UBR3: variants seen among roughly 807,000 people sequenced by gnomAD.
UBR3 encodes E3 ubiquitin-protein ligase UBR3.
In UBR3, 85 loss-of-function variants were observed where a neutral mutation model predicts 243.2. The observed-to-expected ratio is 0.35, with a 90% CI of 0.29 to 0.42. The LOEUF is 0.42. Among genes scored for constraint, UBR3 ranks in the 10% least tolerant of loss-of-function variants. The pLI is 1.00. For missense variants in UBR3, 1,686 were observed against 2,300.8 expected, an observed-to-expected ratio of 0.73 and a Z score of 5.47; for synonymous variants, 748 against 799.8, an observed-to-expected ratio of 0.94 and a Z score of 1.09.
At chr2:169,999,845 C>T (rs968118016) in intron 26 of UBR3, among the ~76,000 whole-genome samples, 4 of 152,090 alleles carry the variant, frequency 2.6e-5, no homozygotes, top group African/African-American at 9.7e-5. Context: ...AATTTGGAGC[C>T]AGGCACGGTG....
intron 10 of UBR3, among the ~76,000 whole-genome samples, chr2:169,906,704 C>CA (rs1479694860): frequency 6.6e-6 from 1 of 152,064 alleles, no homozygotes; most frequent in Non-Finnish European, 1.5e-5. Flanking sequence ...TATTCTATAC[C>CA]AGTAATCATG....
intron 35 of UBR3, among the ~76,000 whole-genome samples, chr2:170,066,583 T>G (rs1574473803): frequency 3.3e-5 from 5 of 152,320 alleles, no homozygotes; most frequent in South Asian, 2.1e-4. Flanking sequence ...CAAAATAATT[T>G]TCCCATGAAA....
At chr2:170,032,012 C>T (rs190134540) in intron 31 of UBR3, among the ~76,000 whole-genome samples, 2 of 152,018 alleles carry the variant, frequency 1.3e-5, no homozygotes, top group Admixed American at 6.6e-5. Context: ...TTTGGTAGAA[C>T]GATTTATTTT....
chr2:169,905,381 T>C, intron 9 of UBR3, 88 bp downstream of exon 9: 1 of 957,434 alleles, frequency 1.0e-6, no homozygotes, highest in Non-Finnish European at 1.4e-6. Context: ...CAATAGCACA[T>C]CATTCACGCT....
intron 31 of UBR3, among the ~76,000 whole-genome samples, chr2:170,033,180 C>T (rs1209436307): frequency 6.6e-6 from 1 of 152,000 alleles, no homozygotes; most frequent in Non-Finnish European, 1.5e-5. Context: ...AAAGTACAGA[C>T]ATAGATATTA....
At chr2:170,011,628 T>C (rs561598014) in intron 29 of UBR3, among the ~76,000 whole-genome samples, 1 of 59,570 alleles carries the variant, frequency 1.7e-5, no homozygotes, top group South Asian at 6.9e-4. Flanking sequence ...CAGCTTTTCT[T>C]TTTTTTTTTT....
intron 10 of UBR3, among the ~76,000 whole-genome samples, chr2:169,910,722 C>T (rs1274318990): frequency 6.6e-6 from 1 of 152,130 alleles, no homozygotes; most frequent in Non-Finnish European, 1.5e-5. Context: ...TCTTATCTAA[C>T]ATTCATTGCA....
At chr2:169,932,683 CTTTTGTTCT>C (rs1464873624) in intron 18 of UBR3, among the ~76,000 whole-genome samples, 1 of 152,160 alleles carries the variant, frequency 6.6e-6, no homozygotes, top group Non-Finnish European at 1.5e-5. Flanking sequence ...TATTACAAAA[CTTTTGTTCT>C]TTAGTGCTTG....
At chr2:169,882,270 G>T (rs2083908377) in intron 5 of UBR3, among the ~76,000 whole-genome samples, 2 of 128,964 alleles carry the variant, frequency 1.6e-5, no homozygotes, top group African/African-American at 5.9e-5. Flanking sequence ...ATATATATTT[G>T]TATATCATAT....
intron 29 of UBR3, chr2:170,013,885 T>A (rs759495896): frequency 2.6e-5 from 12 of 470,152 alleles, no homozygotes; most frequent in Non-Finnish European, 4.9e-5. Context: ...ATTGATCTCA[T>A]TTATATTCCC....
intron 32 of UBR3, among the ~76,000 whole-genome samples, chr2:170,051,190 C>T (rs1371170649): frequency 1.3e-5 from 2 of 151,712 alleles, no homozygotes; most frequent in African/African-American, 4.8e-5. Flanking sequence ...GATGAGGAGC[C>T]CACAGGTACA....
At chr2:169,892,766 T>A (rs2105325647) in intron 6 of UBR3, among the ~76,000 whole-genome samples, 1 of 152,268 alleles carries the variant, frequency 6.6e-6, no homozygotes, top group Non-Finnish European at 1.5e-5. Flanking sequence ...AGAAAATATG[T>A]AATGGTAAGG....
chr2:169,890,563 A>ATATATATATATATATGTGTG (rs1255881148), intron 5 of UBR3, among the ~76,000 whole-genome samples: 5 of 83,880 alleles, frequency 6.0e-5, no homozygotes, highest in African/African-American at 2.5e-4. Context: ...ATATATATAT[A>ATATATATATATATATGTGTG]TGTGTATATA....
chr2:169,889,310 TA>T (rs1298613805), intron 5 of UBR3, among the ~76,000 whole-genome samples: 1 of 152,180 alleles, frequency 6.6e-6, no homozygotes, highest in Non-Finnish European at 1.5e-5. Context: ...AGGAAATTTA[TA>T]AAACTTCATA....
At chr2:169,942,735 A>G (rs2086639728) in intron 20 of UBR3, 101 bp downstream of exon 20, 2 of 1,186,854 alleles carry the variant, frequency 1.7e-6, no homozygotes, top group African/African-American at 1.6e-5. Context: ...TATAAAGCAA[A>G]GTGTATTTAT....
intron 1 of UBR3, among the ~76,000 whole-genome samples, chr2:169,860,684 T>G (rs1483512729): frequency 6.6e-6 from 1 of 152,196 alleles, no homozygotes; most frequent in Non-Finnish European, 1.5e-5. Flanking sequence ...CATTTTCTCT[T>G]GGATTGTCTT....
At chr2:169,860,307 A>AG (rs1559030909) in intron 1 of UBR3, among the ~76,000 whole-genome samples, 1 of 152,026 alleles carries the variant, frequency 6.6e-6, no homozygotes, top group Non-Finnish European at 1.5e-5. Context: ...TTCCTTAGTG[A>AG]GGGTTGGATT....
chr2:170,071,085 G>A (rs1403191025), intron 35 of UBR3, among the ~76,000 whole-genome samples: 1 of 152,174 alleles, frequency 6.6e-6, no homozygotes, highest in Non-Finnish European at 1.5e-5. Context: ...CCAAGTGTTG[G>A]CGAGGATTTG....
intron 32 of UBR3, among the ~76,000 whole-genome samples, chr2:170,051,941 AC>A (rs373749817): frequency 5.0e-4 from 76 of 151,918 alleles, no homozygotes; most frequent in African/African-American, 1.6e-3. Flanking sequence ...CTCTTCCTTC[AC>A]AATTTTATCT....
Sources: gnomAD v4.1 joint callset for allele counts (sites outside exome capture counted in the v4.1 genomes callset) on GRCh38, gnomAD v4.1.1 for gene constraint, MANE v1.5 for transcripts, NCBI Gene and HGNC (gene_info 2026-07-23, HGNC 2026-07-21) for gene names.